GRID2: variants seen among roughly 807,000 people sequenced by gnomAD.
GRID2 encodes glutamate receptor ionotropic, delta-2.
A neutral mutation model predicts 114.8 loss-of-function variants in GRID2; 33 were observed. The ratio of observed to expected loss-of-function variants is 0.29; its 90% CI spans 0.22 to 0.38. The LOEUF is 0.38. GRID2 is among the 10% of genes least tolerant of loss of function. The pLI, the probability that GRID2 is intolerant of heterozygous loss-of-function variation, is 1.00. For synonymous variants in GRID2, 505 were observed against 449.9 expected (o/e 1.12, Z -1.55); for missense variants, 1,184 against 1,257.7 (o/e 0.94, Z 0.89).
intron 13 of GRID2, among the ~76,000 whole-genome samples, chr4:93,526,258 G>T (rs1730886827): frequency 6.6e-6 from 1 of 152,082 alleles, no homozygotes; most frequent in Admixed American, 6.6e-5. Context: ...CTATTCTGCT[G>T]CCTTGTGAAG....
At chr4:92,317,167 C>T (rs1190698548) in intron 1 of GRID2, among the ~76,000 whole-genome samples, 2 of 152,086 alleles carry the variant, frequency 1.3e-5, no homozygotes, top group African/African-American at 4.8e-5. Flanking sequence ...GTTAATAGTA[C>T]ACTGTTCTTT....
chr4:93,438,197 T>C (rs770358005), intron 10 of GRID2, among the ~76,000 whole-genome samples: 8 of 151,970 alleles, frequency 5.3e-5, no homozygotes, highest in Admixed American at 1.3e-4. Flanking sequence ...CCTTCAAAGA[T>C]CTCTAAGTGC....
intron 14 of GRID2, among the ~76,000 whole-genome samples, chr4:93,650,482 C>T (rs1469902058): frequency 6.6e-6 from 1 of 152,016 alleles, no homozygotes; most frequent in Non-Finnish European, 1.5e-5. Context: ...ATATTCCTTA[C>T]TCAAAATTAC....
At chr4:93,614,290 G>A (rs150148295) in intron 13 of GRID2, among the ~76,000 whole-genome samples, 3 of 152,130 alleles carry the variant, frequency 2.0e-5, no homozygotes, top group Admixed American at 6.5e-5. Flanking sequence ...CTCACGCTGG[G>A]AGCTGTAGAC....
rs189554353 is a variant in GRID2 at position 93,200,067 on chromosome 4, A to T, written c.736-7337A>T. Among the ~76,000 whole-genome samples, 4 of 152,288 alleles carry T rather than the reference A, an allele frequency of 2.6e-5. No individual in the cohort carries two copies. The East Asian group carries it at 5.8e-4, about 22-fold the overall frequency. ...AACTCTATAGTAGTGCACTTTGGCC[A>T]TATGCAACACTCAGGCAACTGGATA... On this transcript the variant is annotated intron_variant, in intron 4 of 15. Coordinates refer to ENST00000282020, the MANE Select transcript of GRID2 (RefSeq NM_001510.4).
chr4:93,300,895 G>A (rs1337118911), intron 8 of GRID2, among the ~76,000 whole-genome samples: 1 of 152,170 alleles, frequency 6.6e-6, no homozygotes, highest in Non-Finnish European at 1.5e-5. Context: ...TGGTCAGAGA[G>A]AAACAGAACA....
At chr4:92,668,162 C>A (rs1203698036) in intron 2 of GRID2, among the ~76,000 whole-genome samples, 1 of 151,704 alleles carries the variant, frequency 6.6e-6, no homozygotes, top group Non-Finnish European at 1.5e-5. Context: ...GAAAATCAAG[C>A]TAATGGAGCA....
In GRID2 at chr4:93,372,238, G is replaced by A. The variant is rs549827352; in HGVS notation, c.1246-23369G>A. Reference sequence around the variant, plus strand: ...GAATAATTATTCCTTCTAAGGAATGGCAAAGAAATTTTTCACACCACAAAG... The same window carrying A: ...GAATAATTATTCCTTCTAAGGAATGACAAAGAAATTTTTCACACCACAAAG... On this transcript the variant is annotated intron_variant, in intron 8 of 15. Coordinates refer to ENST00000282020, the MANE Select transcript of GRID2 (RefSeq NM_001510.4). Among the ~76,000 whole-genome samples, 3 of 152,220 alleles carry A rather than the reference G, an allele frequency of 2.0e-5. No individual in the cohort carries two copies. In the East Asian group the frequency reaches 5.8e-4, roughly 29 times the overall value.
In GRID2 at chr4:93,720,469, G is replaced by A. The variant is rs115249476; in HGVS notation, c.2361-48741G>A. Among the ~76,000 whole-genome samples, 1,157 of 152,022 alleles carry A rather than the reference G, an allele frequency of 7.6e-3. 9 individuals carry two copies. The highest frequency in any genetic ancestry group is 0.025 in the African/African-American group (1,052 of 41,456). On this transcript the variant is annotated intron_variant, in intron 14 of 15. Coordinates refer to ENST00000282020, the MANE Select transcript of GRID2 (RefSeq NM_001510.4). The stretch of plus-strand genomic sequence containing the variant: ...TTTGAATAAAATGACAATATTTCAC[G>A]AAACAGTCAGGAAGTAAATACAGAA...
intron 1 of GRID2, among the ~76,000 whole-genome samples, chr4:93,805,974 G>C (rs1322654463): frequency 6.6e-6 from 1 of 152,108 alleles, no homozygotes; most frequent in Non-Finnish European, 1.5e-5. Flanking sequence ...GCATGTGCCT[G>C]TGGTCCCAGC....
chr4:92,484,934 A>G (rs560523291), intron 1 of GRID2, among the ~76,000 whole-genome samples: 42 of 152,160 alleles, frequency 2.8e-4, no homozygotes, highest in Non-Finnish European at 5.6e-4. Flanking sequence ...GGAAATATGT[A>G]ATATGGAGGA....
At position 93,741,183 on chromosome 4, in the gene GRID2, A is replaced by ATATATATATATG. The variant is rs1731363320; in HGVS notation, c.2361-28016_2361-28015insGTATATATATAT. On this transcript the variant is annotated intron_variant, in intron 14 of 15. Coordinates refer to ENST00000282020, the MANE Select transcript of GRID2 (RefSeq NM_001510.4). The stretch of plus-strand genomic sequence containing the variant: ...ACTATATATATATATACATATATAT[A>ATATATATATATG]TATATATATATATATATGTATATAT... Among the ~76,000 whole-genome samples the ATATATATATATG allele has an allele frequency of 8.7e-5, 3 of 34,620 alleles. No individual in the cohort carries two copies. The Admixed American group carries it at 1.2e-3, about 14-fold the overall frequency. 22.7% of individuals were successfully genotyped at this position (34,620 alleles called of 152,430 possible). A position where few individuals can be genotyped will look rare whatever the true frequency, so the allele number is the denominator to read the frequency against.
intron 1 of GRID2, among the ~76,000 whole-genome samples, chr4:93,804,811 C>T (rs1408940278): frequency 6.6e-6 from 1 of 152,194 alleles, no homozygotes; most frequent in African/African-American, 2.4e-5. Flanking sequence ...AGTCCTACCT[C>T]CTCCATGATT....
intron 6 of GRID2, among the ~76,000 whole-genome samples, chr4:93,221,855 G>A (rs577940770): frequency 6.6e-6 from 1 of 152,100 alleles, no homozygotes; most frequent in South Asian, 2.1e-4. Context: ...GTCATTTATT[G>A]AAAATGCCTG....
intron 14 of GRID2, among the ~76,000 whole-genome samples, chr4:93,728,981 T>C (rs1730218983): frequency 6.6e-6 from 1 of 152,304 alleles, no homozygotes. Context: ...ATTTAGCCCA[T>C]TTACATTCAA....
At chr4:92,939,339 G>T (rs1264089802) in intron 2 of GRID2, among the ~76,000 whole-genome samples, 3 of 147,716 alleles carry the variant, frequency 2.0e-5, no homozygotes, top group Non-Finnish European at 4.5e-5. Flanking sequence ...TTTTTCATGT[G>T]TCTGTTGGCT....
intron 8 of GRID2, among the ~76,000 whole-genome samples, chr4:93,303,351 T>C (rs912823505): frequency 3.9e-5 from 6 of 152,186 alleles, no homozygotes; most frequent in Admixed American, 3.3e-4. Context: ...TTTACAAATA[T>C]ATCTTCCCCA....
intron 1 of GRID2, among the ~76,000 whole-genome samples, chr4:92,311,975 A>C (rs150135782): frequency 9.5e-4 from 145 of 151,982 alleles, no homozygotes; most frequent in African/African-American, 3.5e-3. Context: ...AAGCAAAATG[A>C]GGGAATGAAG....
intron 2 of GRID2, among the ~76,000 whole-genome samples, chr4:92,599,015 T>G (rs1478708690): frequency 2.0e-5 from 3 of 150,274 alleles, no homozygotes. Context: ...ATATATATAA[T>G]GAAATGCTTT....
Sources: allele counts gnomAD v4.1 joint callset (sites outside exome capture counted in the v4.1 genomes callset), GRCh38; gene constraint gnomAD v4.1.1; transcripts MANE v1.5; gene names NCBI Gene and HGNC (gene_info 2026-07-23, HGNC 2026-07-21).